PLD5: variants seen among roughly 807,000 people sequenced by gnomAD.
The protein encoded by PLD5 is phospholipase D family member 5, also known as inactive phospholipase D5.
Under a neutral mutation model 61.1 loss-of-function variants are expected in PLD5, and 36 were observed. That is an observed-to-expected ratio of 0.59 (90% CI 0.45 to 0.78). The LOEUF is 0.78. Ranked by LOEUF, PLD5 falls within the 30% of genes least tolerant of loss-of-function variation. The probability of loss-of-function intolerance (pLI) is 0.00; values close to 1 mark genes in which losing one functional copy is unlikely to be tolerated. For synonymous variants in PLD5, 243 were observed against 242.8 expected (o/e 1.00, Z -0.01); for missense variants, 515 against 644.4 (o/e 0.80, Z 2.17).
At chr1:242,149,041 A>AGTACAATGTGCAATAGGATTAGT (rs146158454) in intron 5 of PLD5, among the ~76,000 whole-genome samples, 71,970 of 150,570 alleles carry the variant, frequency 0.48, 18,580 homozygotes, top group African/African-American at 0.67. Flanking sequence ...TATGACTTCC[A>AGTACAATGTGCAATAGGATTAGT]GTACAATGTG....
At chr1:242,418,676 TGAGAAC>T (rs968584382) in intron 1 of PLD5, among the ~76,000 whole-genome samples, 1 of 152,210 alleles carries the variant, frequency 6.6e-6, no homozygotes, top group African/African-American at 2.4e-5. Context: ...AAGTGGCAAC[TGAGAAC>T]GTGTGGGCTT....
intron 1 of PLD5, among the ~76,000 whole-genome samples, chr1:242,372,599 A>C (rs921522609): frequency 1.3e-5 from 2 of 152,214 alleles, no homozygotes; most frequent in African/African-American, 4.8e-5. Flanking sequence ...ACAGAGATAT[A>C]GACCAATCAA....
chr1:242,163,576 A>G (rs901508955), intron 5 of PLD5, among the ~76,000 whole-genome samples: 1 of 152,186 alleles, frequency 6.6e-6, no homozygotes, highest in Non-Finnish European at 1.5e-5. Flanking sequence ...TTTAATCATC[A>G]TGTCAGAAAA....
At chr1:242,330,307 G>C (rs1659090956) in intron 2 of PLD5, among the ~76,000 whole-genome samples, 1 of 152,126 alleles carries the variant, frequency 6.6e-6, no homozygotes, top group African/African-American at 2.4e-5. Flanking sequence ...CCTTCACATG[G>C]TGGTCACAAT....
At chr1:242,519,122 A>C (rs941866211) in intron 1 of PLD5, among the ~76,000 whole-genome samples, 1 of 152,210 alleles carries the variant, frequency 6.6e-6, no homozygotes, top group Non-Finnish European at 1.5e-5. Flanking sequence ...TTTTAAGGGA[A>C]CATTTTAAAG....
chr1:242,451,655 T>C (rs1666783770), intron 1 of PLD5, among the ~76,000 whole-genome samples: 1 of 151,912 alleles, frequency 6.6e-6, no homozygotes, highest in South Asian at 2.1e-4. Flanking sequence ...AGACAGGGCT[T>C]CACCGTGTTG....
intron 5 of PLD5, among the ~76,000 whole-genome samples, chr1:242,219,715 C>A (rs1609954): frequency 0.3 from 46,171 of 151,952 alleles, 7,300 homozygotes; most frequent in East Asian, 0.53. Context: ...TGGGTGATGT[C>A]AATTACATAG....
At chr1:242,364,242 A>G (rs549542479) in intron 1 of PLD5, among the ~76,000 whole-genome samples, 83 of 152,294 alleles carry the variant, frequency 5.4e-4, no homozygotes, top group Admixed American at 4.9e-3. Flanking sequence ...TGGATAGAAC[A>G]AGTAAATAAC....
intron 5 of PLD5, among the ~76,000 whole-genome samples, chr1:242,170,298 TG>T (rs1450645954): frequency 2.0e-5 from 3 of 152,188 alleles, no homozygotes; most frequent in Non-Finnish European, 4.4e-5. Flanking sequence ...AAACAGGGTC[TG>T]GAGTGGACCG....
chr1:242,378,866 G>GT (rs1234315536), intron 1 of PLD5, among the ~76,000 whole-genome samples: 1 of 151,504 alleles, frequency 6.6e-6, no homozygotes, highest in Non-Finnish European at 1.5e-5. Flanking sequence ...TAAAAAATAC[G>GT]TTAAAAAAAA....
intron 5 of PLD5, among the ~76,000 whole-genome samples, chr1:242,158,359 G>A (rs1665557430): frequency 6.6e-6 from 1 of 152,056 alleles, no homozygotes; most frequent in African/African-American, 2.4e-5. Flanking sequence ...CTGGGGTATA[G>A]AAAAAAAGTC....
At chr1:242,098,522 G>A (rs892516372) in intron 9 of PLD5, among the ~76,000 whole-genome samples, 1 of 152,108 alleles carries the variant, frequency 6.6e-6, no homozygotes, top group Non-Finnish European at 1.5e-5. Context: ...CTTTAGCTTG[G>A]AGTAGTTTGA....
chr1:242,522,851 C>T (rs1255110503), intron 1 of PLD5, among the ~76,000 whole-genome samples: 1 of 152,194 alleles, frequency 6.6e-6, no homozygotes, highest in Non-Finnish European at 1.5e-5. Context: ...TAGCAAATGG[C>T]TCTCTACACA....
intron 1 of PLD5, among the ~76,000 whole-genome samples, chr1:242,392,298 A>G (rs1233089688): frequency 6.6e-6 from 1 of 152,176 alleles, no homozygotes; most frequent in Non-Finnish European, 1.5e-5. Flanking sequence ...AAAACTACTT[A>G]TGGAGTACTA....
chr1:242,339,434 T>C (rs1442112092), intron 2 of PLD5, among the ~76,000 whole-genome samples: 1 of 152,162 alleles, frequency 6.6e-6, no homozygotes, highest in Admixed American at 6.5e-5. Context: ...CAAAGAGGGA[T>C]GAGTTTCTTC....
chr1:242,411,170 A>T (rs1207890748), intron 1 of PLD5, among the ~76,000 whole-genome samples: 1 of 152,198 alleles, frequency 6.6e-6, no homozygotes, highest in East Asian at 1.9e-4. Context: ...TCTAATTGAT[A>T]TATGAGCTCA....
intron 1 of PLD5, among the ~76,000 whole-genome samples, chr1:242,380,972 T>C (rs887538977): frequency 2.0e-5 from 3 of 152,216 alleles, no homozygotes; most frequent in Non-Finnish European, 4.4e-5. Context: ...AGTTCAACCA[T>C]TGCGGAAGAC....
intron 9 of PLD5, among the ~76,000 whole-genome samples, chr1:242,095,424 G>T (rs925816738): frequency 6.6e-6 from 1 of 151,914 alleles, no homozygotes; most frequent in Non-Finnish European, 1.5e-5. Flanking sequence ...TACAGACAAG[G>T]TTTCACCATG....
At chr1:242,407,475 C>G (rs1298261791) in intron 1 of PLD5, among the ~76,000 whole-genome samples, 1 of 152,064 alleles carries the variant, frequency 6.6e-6, no homozygotes, top group Non-Finnish European at 1.5e-5. Flanking sequence ...TCATGACTAA[C>G]AGTCTGCCAT....
Sources: gnomAD v4.1 joint callset for allele counts (sites outside exome capture counted in the v4.1 genomes callset) on GRCh38, gnomAD v4.1.1 for gene constraint, MANE v1.5 for transcripts, NCBI Gene and HGNC (gene_info 2026-07-23, HGNC 2026-07-21) for gene names.